MYT1L: variants seen among roughly 807,000 people sequenced by gnomAD.
MYT1L encodes the protein myelin transcription factor 1 like.
MYT1L carries 12 observed loss-of-function variants against 126.7 expected under a neutral mutation model. That is an observed-to-expected ratio of 0.09 (90% CI 0.06 to 0.15). MYT1L has a LOEUF of 0.15. Among genes scored for constraint, MYT1L ranks in the 10% least tolerant of loss-of-function variants. MYT1L has a pLI of 1.00. For synonymous variants in MYT1L, 541 were observed against 604.2 expected (o/e 0.90, Z 1.53); for missense variants, 979 against 1,585.2 (o/e 0.62, Z 6.49).
chr2:2,102,201 T>C (rs926425413), intron 3 of MYT1L, among the ~76,000 whole-genome samples: 3 of 152,214 alleles, frequency 2.0e-5, no homozygotes, highest in Non-Finnish European at 1.5e-5. Context: ...ATTATATATG[T>C]TTTGGCAAGA....
At chr2:1,897,412 T>C (rs13013595) in intron 14 of MYT1L, among the ~76,000 whole-genome samples, 8,820 of 152,260 alleles carry the variant, frequency 0.058, 284 homozygotes, top group Non-Finnish European at 0.069. Context: ...AGTTTCACAA[T>C]GACAGAATGC....
chr2:2,325,951 GAGA>G (rs2096241585), intron 1 of MYT1L: 1 of 152,294 alleles, frequency 6.6e-6, no homozygotes. Flanking sequence ...AAGTACTTAA[GAGA>G]AGAACTGGGA....
intron 1 of MYT1L, among the ~76,000 whole-genome samples, chr2:2,287,242 C>T (rs573900883): frequency 1.3e-5 from 2 of 151,816 alleles, no homozygotes; most frequent in Admixed American, 6.6e-5. Flanking sequence ...GCAACAAGAG[C>T]GAAACTCCGT....
chr2:1,969,456 C>A (rs1188610120), intron 8 of MYT1L, among the ~76,000 whole-genome samples: 3 of 152,230 alleles, frequency 2.0e-5, no homozygotes, highest in African/African-American at 7.2e-5. Context: ...GCATCAGAAT[C>A]AACCCTCTGG....
intron 2 of MYT1L, among the ~76,000 whole-genome samples, chr2:2,247,400 G>A (rs551173960): frequency 3.9e-4 from 59 of 152,226 alleles, no homozygotes; most frequent in African/African-American, 1.1e-3. Context: ...TTATTAGAGC[G>A]AAAGAGACAG....
intron 4 of MYT1L, among the ~76,000 whole-genome samples, chr2:2,001,490 A>AT (rs1277610730): frequency 6.6e-6 from 1 of 152,232 alleles, no homozygotes; most frequent in Non-Finnish European, 1.5e-5. Context: ...ATATGTAAAC[A>AT]TTTGATCAAT....
intron 9 of MYT1L, among the ~76,000 whole-genome samples, chr2:1,926,075 T>C (rs921335431): frequency 2.6e-5 from 4 of 152,190 alleles, no homozygotes; most frequent in African/African-American, 9.7e-5. Context: ...CTTCTACCCT[T>C]CTTCAAAGTT....
chr2:2,114,932 A>G (rs2147798771), intron 3 of MYT1L, among the ~76,000 whole-genome samples: 1 of 152,346 alleles, frequency 6.6e-6, no homozygotes, highest in African/African-American at 2.4e-5. Flanking sequence ...TTCAATCAGA[A>G]GATCCACCCA....
chr2:1,908,864 G>C (rs976581517), intron 13 of MYT1L, among the ~76,000 whole-genome samples: 4 of 152,230 alleles, frequency 2.6e-5, no homozygotes, highest in African/African-American at 9.6e-5. Flanking sequence ...AACTCTAGAT[G>C]TAGCTGTGCC....
intron 3 of MYT1L, among the ~76,000 whole-genome samples, chr2:2,145,297 G>A (rs186526632): frequency 3.9e-4 from 59 of 152,346 alleles, no homozygotes; most frequent in Non-Finnish European, 7.5e-4. Flanking sequence ...GGGCATAGAA[G>A]TGCCGCTGAA....
Position 1,791,699 on chromosome 2 carries a change from G to A in MYT1L, c.*168C>T, listed in dbSNP as rs2032119418. ...TGTGGGTGTATTCAAAAACTATTCTGCAGGTACTATCTTTAAAGCAAGACA... is the reference window on the plus strand; with the variant it reads ...TGTGGGTGTATTCAAAAACTATTCTACAGGTACTATCTTTAAAGCAAGACA... On this transcript the variant is annotated 3_prime_UTR_variant, in exon 25 of 25. Transcript: ENST00000647738. The surrounding 1 kb of genome is among the most constrained non-coding windows in gnomAD (Gnocchi z 6.0). 2 of 635,806 alleles carry A rather than the reference G, an allele frequency of 3.1e-6. No homozygotes were observed. Among genetic ancestry groups the A allele is most frequent in the Admixed American group, 7.3e-5 (2 of 27,508 alleles). The allele number at this position is 635,806 out of a possible 1,614,324, so 39.4% of individuals were successfully genotyped here. A position where few individuals can be genotyped will look rare whatever the true frequency, so the allele number is the denominator to read the frequency against.
chr2:2,220,293 G>A (rs1264175186), intron 2 of MYT1L, among the ~76,000 whole-genome samples: 1 of 152,118 alleles, frequency 6.6e-6, no homozygotes, highest in Admixed American at 6.6e-5. Context: ...CATTGATATG[G>A]TTCAGAAAGG....
rs1041032545 is a variant in MYT1L at position 2,050,563 on chromosome 2, C to A, written c.-158+3415G>T. On this transcript the variant is annotated intron_variant, in intron 4 of 24. Transcript: ENST00000647738. ...CAGCAATCACAGTGGCTAATTGGGA[C>A]ACACGAGGACAGAAAAATGCCCTAA... Among the ~76,000 whole-genome samples the A allele has an allele frequency of 2.6e-5, 4 of 152,132 alleles. No homozygotes were observed. In the East Asian group the frequency reaches 5.8e-4, roughly 22 times the overall value.
At chr2:2,302,828 GC>G (rs1369683654) in intron 1 of MYT1L, among the ~76,000 whole-genome samples, 2 of 152,190 alleles carry the variant, frequency 1.3e-5, no homozygotes, top group African/African-American at 2.4e-5. Context: ...CTTGAGAGGG[GC>G]CAGTTGACTG....
chr2:2,057,894 T>G (rs115856744), intron 3 of MYT1L, among the ~76,000 whole-genome samples: 1,959 of 152,352 alleles, frequency 0.013, 39 homozygotes, highest in African/African-American at 0.045. Flanking sequence ...ATAAAGCTTC[T>G]GTAAAGATGT....
intron 3 of MYT1L, among the ~76,000 whole-genome samples, chr2:2,064,052 G>T (rs922456160): frequency 6.6e-6 from 1 of 152,144 alleles, no homozygotes; most frequent in South Asian, 2.1e-4. Flanking sequence ...TTAAAACTAA[G>T]CTCTTTAGAC....
chr2:1,834,179 G>A (rs1197026702), intron 21 of MYT1L, among the ~76,000 whole-genome samples: 1 of 152,238 alleles, frequency 6.6e-6, no homozygotes, highest in East Asian at 1.9e-4. Flanking sequence ...CCGCTGCTTT[G>A]TTTGCGCAGT....
At chr2:1,937,277 G>T (rs1000054695) in intron 9 of MYT1L, among the ~76,000 whole-genome samples, 7 of 152,214 alleles carry the variant, frequency 4.6e-5, no homozygotes, top group Non-Finnish European at 1.0e-4. Context: ...CCATCATTTC[G>T]CACATCAAGA....
At chr2:2,163,147 T>C (rs1214682605) in intron 3 of MYT1L, among the ~76,000 whole-genome samples, 4 of 152,126 alleles carry the variant, frequency 2.6e-5, no homozygotes, top group African/African-American at 9.7e-5. Flanking sequence ...CACCTGACCC[T>C]AAATGAGCAT....
Sources: gnomAD v4.1 joint callset for allele counts (sites outside exome capture counted in the v4.1 genomes callset) on GRCh38, gnomAD v4.1.1 for gene constraint, Gnocchi (gnomAD v3.1) non-coding constraint, MANE v1.5 for transcripts, NCBI Gene and HGNC (gene_info 2026-07-23, HGNC 2026-07-21) for gene names.